Variants in DNAH7 observed in about 807,000 individuals in gnomAD.
DNAH7 encodes the protein dynein axonemal heavy chain 7, also known as axonemal beta dynein heavy chain 7.
A neutral mutation model predicts 444.6 loss-of-function variants in DNAH7; 397 were observed. The ratio of observed to expected loss-of-function variants is 0.89; its 90% CI spans 0.82 to 0.97. The LOEUF is 0.97. Among genes scored for constraint, DNAH7 ranks in the 50% least tolerant of loss-of-function variants. The pLI, the probability that DNAH7 is intolerant of heterozygous loss-of-function variation, is 0.00. For synonymous variants in DNAH7, 1,636 were observed against 1,624.4 expected (o/e 1.01, Z -0.17); for missense variants, 4,902 against 4,800.8 (o/e 1.02, Z -0.62).
intron 19 of DNAH7, among the ~76,000 whole-genome samples, chr2:195,938,383 A>ACAC (rs1689200137): frequency 2.5e-5 from 3 of 118,078 alleles, no homozygotes; most frequent in African/African-American, 3.6e-5. Context: ...CACACACACA[A>ACAC]ACACACACAG....
At chr2:195,902,282 G>A (rs1015712644) in intron 27 of DNAH7, 1 of 151,940 alleles carries the variant, frequency 6.6e-6, no homozygotes. Flanking sequence ...TTATCAATAA[G>A]GTTACCATTA....
intron 48 of DNAH7, among the ~76,000 whole-genome samples, chr2:195,833,234 C>A (rs994349114): frequency 1.6e-4 from 25 of 152,144 alleles, no homozygotes; most frequent in African/African-American, 6.0e-4. Context: ...GCTAAGAACA[C>A]CAATTAAATG....
chr2:195,930,328 G>A (rs887686896), intron 21 of DNAH7, among the ~76,000 whole-genome samples: 4 of 151,518 alleles, frequency 2.6e-5, no homozygotes, highest in Admixed American at 6.6e-5. Context: ...GTGACAGAGC[G>A]AGACACCGCC....
chr2:196,005,210 C>T (rs1694292370), intron 10 of DNAH7, among the ~76,000 whole-genome samples: 1 of 151,516 alleles, frequency 6.6e-6, no homozygotes, highest in Non-Finnish European at 1.5e-5. Context: ...GGAGGCAGAG[C>T]TTGCGGTGAG....
chr2:195,912,627 G>T (rs1158014229), intron 24 of DNAH7, among the ~76,000 whole-genome samples: 3 of 152,198 alleles, frequency 2.0e-5, no homozygotes, highest in African/African-American at 7.2e-5. Context: ...CCGGTCACTG[G>T]AAGGGCTTTA....
At chr2:195,795,073 CA>C (rs1347521144) in intron 56 of DNAH7, among the ~76,000 whole-genome samples, 2 of 152,130 alleles carry the variant, frequency 1.3e-5, no homozygotes, top group African/African-American at 4.8e-5. Flanking sequence ...CATAAGCAGA[CA>C]GGCACAAACA....
chr2:195,962,741 G>A (rs936945830), intron 17 of DNAH7, among the ~76,000 whole-genome samples: 2 of 152,088 alleles, frequency 1.3e-5, no homozygotes, highest in East Asian at 1.9e-4. Context: ...CCCACTCAAC[G>A]TTCCTACTTA....
At chr2:195,842,775 T>C (rs1410549880) in intron 47 of DNAH7, among the ~76,000 whole-genome samples, 1 of 152,172 alleles carries the variant, frequency 6.6e-6, no homozygotes, top group Admixed American at 6.5e-5. Flanking sequence ...GAATCTTATA[T>C]GCAGATATAT....
chr2:195,965,068 A>C (rs1323900538), intron 17 of DNAH7, among the ~76,000 whole-genome samples: 1 of 152,028 alleles, frequency 6.6e-6, no homozygotes, highest in Non-Finnish European at 1.5e-5. Flanking sequence ...GCTTTCTTTC[A>C]GTTTTTCCCC....
rs1470512584 is a variant in DNAH7 at position 195,808,715 on chromosome 2, T to G, written c.10050A>C (p.Leu3350Phe). ...CATATACTTTCTTCCATCCATCCTT[T>G]AAGCGCATAAACTCTCTACGAATGG... is the stretch of plus-strand genomic sequence containing the variant. ...FKTIRREFMR[L>F]KDGWKKVYDS... The change falls in exon 53 of 65, where the codon TTA becomes TTC. Residue 3350 changes from leucine to phenylalanine, a missense_variant. Coordinates refer to ENST00000312428, the MANE Select transcript of DNAH7 (RefSeq NM_018897.3). The G allele has an allele frequency of 6.2e-7, 1 of 1,613,920 alleles. No individual in the cohort carries two copies. The highest frequency in any genetic ancestry group is 1.7e-5 in the Admixed American group (1 of 59,998).
intron 41 of DNAH7, among the ~76,000 whole-genome samples, chr2:195,863,445 C>T (rs2125087868): frequency 6.6e-6 from 1 of 152,296 alleles, no homozygotes; most frequent in Non-Finnish European, 1.5e-5. Flanking sequence ...TCTTCCTTTG[C>T]TACTCCCCTT....
intron 12 of DNAH7, 91 bp from the exon 13 acceptor site, chr2:195,988,320 C>T: frequency 8.6e-7 from 1 of 1,168,104 alleles, no homozygotes; most frequent in Non-Finnish European, 1.2e-6. Flanking sequence ...TACAATGTTT[C>T]TTGTCTTTTT....
intron 35 of DNAH7, among the ~76,000 whole-genome samples, chr2:195,882,723 A>C (rs1701461110): frequency 6.6e-6 from 1 of 152,202 alleles, no homozygotes. Flanking sequence ...TCTTAGAAAA[A>C]CACCACCACC....
intron 19 of DNAH7, among the ~76,000 whole-genome samples, chr2:195,937,560 AT>A (rs960444312): frequency 1.3e-5 from 2 of 152,210 alleles, no homozygotes; most frequent in Non-Finnish European, 2.9e-5. Context: ...AAGAACTCAT[AT>A]TTTTTAAAAA....
chr2:195,863,787 A>G (rs1700158069), intron 41 of DNAH7, among the ~76,000 whole-genome samples: 1 of 152,046 alleles, frequency 6.6e-6, no homozygotes, highest in African/African-American at 2.4e-5. Context: ...CCACTTCCTG[A>G]GTGTTCCAAC....
In DNAH7 at chr2:196,000,761, G is replaced by T; in HGVS notation, c.1296C>A (p.Val432=). 1 of 1,594,080 alleles carries T rather than the reference G, an allele frequency of 6.3e-7. No homozygotes were observed. The highest frequency in any genetic ancestry group is 8.5e-7 in the Non-Finnish European group (1 of 1,169,696). ...GCACAAAACTGACAGCTTTAATCATGACGTCATAAACATTTAGAAAGATAT... is the reference window on the plus strand; with the variant it reads ...GCACAAAACTGACAGCTTTAATCATTACGTCATAAACATTTAGAAAGATAT... The part of the protein sequence containing the change: ...YIDIFLNVYD[V]MIKAVSFVPR... Residue 432 remains valine, a synonymous_variant, in exon 12 of 65, where the codon GTC becomes GTA. Coordinates refer to ENST00000312428, the MANE Select transcript of DNAH7 (RefSeq NM_018897.3).
chr2:196,028,090 CA>C, intron 5 of DNAH7, 43 bp from the exon 6 acceptor site: 1 of 1,502,512 alleles, frequency 6.7e-7, no homozygotes, highest in South Asian at 1.2e-5. Context: ...AGATAAGGGG[CA>C]GTTAGAACAT....
At chr2:195,907,845 T>C (rs1687124514) in intron 25 of DNAH7, among the ~76,000 whole-genome samples, 2 of 152,118 alleles carry the variant, frequency 1.3e-5, no homozygotes, top group South Asian at 4.1e-4. Context: ...TGTCAAAGAA[T>C]AGTACATTCT....
intron 54 of DNAH7, among the ~76,000 whole-genome samples, chr2:195,801,574 A>G (rs1007925816): frequency 6.6e-6 from 1 of 152,198 alleles, no homozygotes; most frequent in African/African-American, 2.4e-5. Flanking sequence ...TTGTGTGTAT[A>G]TACAACACAC....
Sources: gnomAD v4.1 joint callset for allele counts (sites outside exome capture counted in the v4.1 genomes callset) on GRCh38, gnomAD v4.1.1 for gene constraint, MANE v1.5 for transcripts, NCBI Gene and HGNC (gene_info 2026-07-23, HGNC 2026-07-21) for gene names.